The following SATL1 variants were observed in gnomAD, a reference collection of about 807,000 sequenced individuals.
SATL1 encodes the protein spermidine/spermine N1-acetyl transferase like 1.
In SATL1, 47 loss-of-function variants were observed where a neutral mutation model predicts 51.8. That is an observed-to-expected ratio of 0.91 (90% CI 0.72 to 1.16). SATL1 has a LOEUF of 1.16. Among genes scored for constraint, SATL1 ranks in the 50% most tolerant of loss-of-function variants. SATL1 has a pLI of 0.00. For synonymous variants in SATL1, 176 were observed against 182.4 expected (o/e 0.97, Z 0.28); for missense variants, 520 against 526.4 (o/e 0.99, Z 0.12).
intron 2 of SATL1, among the ~76,000 whole-genome samples, chrX:85,149,225 T>C (rs1173588968): frequency 9.0e-6 from 1 of 111,409 alleles, no homozygotes; most frequent in Non-Finnish European, 1.9e-5. Context: ...AGAAGGCCAT[T>C]ACATAATGGT....
intron 2 of SATL1, chrX:85,219,120 G>A (rs1928118344): frequency 8.9e-6 from 1 of 111,984 alleles, no homozygotes; most frequent in Non-Finnish European, 1.9e-5. Flanking sequence ...GGATACTCAA[G>A]TTATGAACCG....
intron 2 of SATL1, among the ~76,000 whole-genome samples, chrX:85,191,337 G>A (rs766994329): frequency 2.7e-5 from 3 of 111,307 alleles, no homozygotes; most frequent in Non-Finnish European, 3.8e-5. Context: ...TCAAATCAGG[G>A]TACTTAGCTT....
chrX:85,124,504 G>A (rs1980618619), intron 2 of SATL1, among the ~76,000 whole-genome samples: 1 of 111,811 alleles, frequency 8.9e-6, no homozygotes, highest in Admixed American at 9.6e-5. Flanking sequence ...ATGGAGCTAG[G>A]TGATCAATAA....
At chrX:85,199,822 G>A in intron 2 of SATL1, among the ~76,000 whole-genome samples, 1 of 111,672 alleles carries the variant, frequency 9.0e-6, no homozygotes, top group Admixed American at 9.6e-5. Context: ...GTGGTTGGGG[G>A]ATTGGACATG....
At chrX:85,161,426 C>T (rs1454135148) in intron 2 of SATL1, among the ~76,000 whole-genome samples, 1 of 107,274 alleles carries the variant, frequency 9.3e-6, no homozygotes, top group Non-Finnish European at 1.9e-5. Context: ...ATCTCACATG[C>T]AGTGACACAC....
At chrX:85,156,887 CT>C (rs1719042113) in intron 2 of SATL1, among the ~76,000 whole-genome samples, 1 of 90,414 alleles carries the variant, frequency 1.1e-5, no homozygotes, top group African/African-American at 4.4e-5. Context: ...TAAATCTCTT[CT>C]CATCCAATGT....
rs769279975 is a variant in SATL1, at chrX:85,168,508, G to A, written c.-313+55697C>T. Among the ~76,000 whole-genome samples the A allele has an allele frequency of 6.3e-5, 7 of 111,323 alleles. No individual in the cohort carries two copies. In the South Asian group the frequency reaches 2.6e-3, roughly 42 times the overall value. On this transcript the variant is annotated intron_variant, in intron 2 of 7. Transcript: ENST00000644105. Reference sequence around the variant, plus strand: ...ACGGTCAAGCTGAGAGCCAAATCAGGAATGAACTCCCATTTACAATTGCCA... The same window carrying A: ...ACGGTCAAGCTGAGAGCCAAATCAGAAATGAACTCCCATTTACAATTGCCA...
chrX:85,108,608 G>A lies in SATL1; in HGVS notation c.361C>T (p.Gln121Ter), dbSNP rs1390111382. The A allele has an allele frequency of 8.3e-7, 1 of 1,202,543 alleles. No individual in the cohort carries two copies. Among genetic ancestry groups the A allele is most frequent in the Non-Finnish European group, 1.1e-6 (1 of 891,086 alleles). The change falls in exon 3 of 8, where the codon CAA (glutamine) becomes TAA (stop). Residue 121 changes from glutamine to a stop codon, truncating the protein, a stop_gained. Transcript: ENST00000644105. LOFTEE classifies it high-confidence loss of function. ...QPGPSQSGPS[Q>*]SRMRQIGTNQ... ...GTGCCTATTTGCCTCATGCGTGATT[G>A]GCTGGGGCCTGATTGGCTTGGGCCT...
Position 85,186,625 on chromosome X carries a change from A to G in SATL1, c.-313+37580T>C, listed in dbSNP as rs1927319241. 3.6e-5 allele frequency among the ~76,000 whole-genome samples: 4 copies of G among 111,558 alleles called. No homozygotes were observed. In the South Asian group the frequency reaches 1.5e-3, roughly 42 times the overall value. ...TGTGACAGTGCAATACTAAATTTCAATAGGAAGTCCCACAGTCACTGTGGT... is the reference window on the plus strand; with the variant it reads ...TGTGACAGTGCAATACTAAATTTCAGTAGGAAGTCCCACAGTCACTGTGGT... On this transcript the variant is annotated intron_variant, in intron 2 of 7. Coordinates refer to ENST00000644105, the MANE Select transcript of SATL1 (RefSeq NM_001367857.2).
At position 85,107,856 on chromosome X, in the gene SATL1, T is replaced by C. The variant is rs1292946034; in HGVS notation, c.1113A>G (p.Thr371=). The change falls in exon 3 of 8, where the codon ACA becomes ACG. Residue 371 remains threonine (T), a synonymous_variant. Coordinates refer to ENST00000644105, the MANE Select transcript of SATL1 (RefSeq NM_001367857.2). ...CTGGTTGGCTTATACCTGATTGGTT[T>C]GTGCCTGCTTGGCTCGTGCTTGATT... The part of the protein sequence containing the change: ...PRQSSTSQAG[T]NQSGISQPVM... The C allele has an allele frequency of 8.3e-7, 1 of 1,209,822 alleles. No individual in the cohort carries two copies.
chrX:85,227,048 A>G (rs142422164), intron 1 of SATL1, among the ~76,000 whole-genome samples: 101 of 111,296 alleles, frequency 9.1e-4, no homozygotes, highest in African/African-American at 2.7e-3. Context: ...GCTTAAAGCC[A>G]GTCCTTTCCC....
chrX:85,133,185 T>G (rs768294425), intron 2 of SATL1, among the ~76,000 whole-genome samples: 1 of 112,467 alleles, frequency 8.9e-6, no homozygotes, highest in East Asian at 2.8e-4. Context: ...CACTACGCTC[T>G]TCAGAGCTGT....
intron 4 of SATL1, 53 bp downstream of exon 4, chrX:85,103,811 G>C: frequency 1.2e-6 from 1 of 836,801 alleles, no homozygotes; most frequent in Non-Finnish European, 1.8e-6. Flanking sequence ...ACATATCTAA[G>C]TAGTACTGTG....
Position 85,203,168 on chromosome X carries a change from G to A in SATL1, c.-313+21037C>T, listed in dbSNP as rs1214491680. Among the ~76,000 whole-genome samples the A allele has an allele frequency of 2.1e-4, 24 of 111,990 alleles. No individual in the cohort carries two copies. In the Admixed American group the frequency reaches 2.3e-3, roughly 11 times the overall value. On this transcript the variant is annotated intron_variant, in intron 2 of 7. Coordinates refer to ENST00000644105, the MANE Select transcript of SATL1 (RefSeq NM_001367857.2). ...CCAGTGAAGCCTGCAAAATAGCAAA[G>A]ATGGCAGCCCGTCCTTCCCTGTGGG...
intron 2 of SATL1, among the ~76,000 whole-genome samples, chrX:85,146,884 A>T (rs1253153450): frequency 3.6e-5 from 4 of 112,651 alleles, no homozygotes; most frequent in Non-Finnish European, 7.5e-5. Context: ...AGCTCCCAGC[A>T]TGAGTGACAC....
intron 2 of SATL1, among the ~76,000 whole-genome samples, chrX:85,165,446 T>G (rs1488628761): frequency 9.0e-6 from 1 of 110,555 alleles, no homozygotes; most frequent in African/African-American, 3.3e-5. Context: ...TTCAGCCATA[T>G]GCTGTATTTT....
intron 2 of SATL1, among the ~76,000 whole-genome samples, chrX:85,111,856 A>G (rs886797816): frequency 9.0e-6 from 1 of 111,715 alleles, no homozygotes; most frequent in African/African-American, 3.2e-5. Flanking sequence ...CTTTTTCTGT[A>G]GGTGCTAAGT....
intron 2 of SATL1, among the ~76,000 whole-genome samples, chrX:85,118,086 G>GTTTTTTTTTTTTTTTTT (rs780585183): frequency 1.0e-4 from 4 of 38,821 alleles, no homozygotes; most frequent in Non-Finnish European, 1.5e-4. Context: ...AAAGAACTTA[G>GTTTTTTTTTTTTTTTTT]CTTTTTTTTT....
chrX:85,147,936 C>T (rs1044445624), intron 2 of SATL1, among the ~76,000 whole-genome samples: 8 of 111,830 alleles, frequency 7.2e-5, no homozygotes, highest in Non-Finnish European at 1.3e-4. Flanking sequence ...TTCAAAGGAA[C>T]GCAGATCCTC....
Sources: allele counts gnomAD v4.1 joint callset (sites outside exome capture counted in the v4.1 genomes callset), GRCh38; gene constraint gnomAD v4.1.1; transcripts MANE v1.5; gene names NCBI Gene and HGNC (gene_info 2026-07-23, HGNC 2026-07-21).